SAMMSON: variants seen among roughly 807,000 people sequenced by gnomAD.
The protein encoded by SAMMSON is survival associated mitochondrial melanoma specific oncogenic non-coding RNA.
intron 4 of SAMMSON, among the ~76,000 whole-genome samples, chr3:70,182,740 A>G (rs921630669): frequency 6.6e-6 from 1 of 152,182 alleles, no homozygotes; most frequent in Non-Finnish European, 1.5e-5. Flanking sequence ...TTAGTGATGT[A>G]AATTTCTTGC....
chr3:70,106,588 C>T (rs2067368173), intron 4 of SAMMSON, among the ~76,000 whole-genome samples: 1 of 151,902 alleles, frequency 6.6e-6, no homozygotes, highest in Non-Finnish European at 1.5e-5. Context: ...TATCCTCCCA[C>T]CTCAGCCTCC....
chr3:70,108,343 A>G (rs571713937), intron 4 of SAMMSON, among the ~76,000 whole-genome samples: 12 of 150,920 alleles, frequency 8.0e-5, no homozygotes, highest in East Asian at 6.1e-4. Flanking sequence ...CGCAGGCAAT[A>G]TAAGTGCTAC....
intron 7 of SAMMSON, among the ~76,000 whole-genome samples, chr3:70,318,195 G>A (rs183783402): frequency 6.6e-6 from 1 of 151,978 alleles, no homozygotes; most frequent in Non-Finnish European, 1.5e-5. Context: ...CATTTTTTCA[G>A]ATATTGTTTT....
intron 9 of SAMMSON, among the ~76,000 whole-genome samples, chr3:70,386,394 C>G (rs1703123052): frequency 1.3e-5 from 2 of 151,876 alleles, no homozygotes; most frequent in Non-Finnish European, 2.9e-5. Context: ...CAGGTTATAT[C>G]TCATTTATGA....
chr3:70,251,093 C>G (rs1031450764), intron 6 of SAMMSON, among the ~76,000 whole-genome samples: 1 of 152,112 alleles, frequency 6.6e-6, no homozygotes, highest in Admixed American at 6.6e-5. Flanking sequence ...ACTCGTAATA[C>G]CCAGTGGAGC....
chr3:70,149,406 G>A (rs1265081294), intron 4 of SAMMSON, among the ~76,000 whole-genome samples: 1 of 152,054 alleles, frequency 6.6e-6, no homozygotes, highest in Non-Finnish European at 1.5e-5. Context: ...ATGTGTTTGA[G>A]CCTGTGGTTC....
rs1484916969 is a variant in SAMMSON at position 70,375,738 on chromosome 3, T to A, written n.914-13836T>A. ...CCTGTCTACTTTATTTTCTGCCCCT[T>A]ATTGCTCATAGATGGTATAATTTTT... On this transcript the variant is annotated intron_variant and non_coding_transcript_variant, in intron 9 of 9. Coordinates refer to ENST00000642114, the Ensembl canonical transcript of SAMMSON. Among the ~76,000 whole-genome samples the A allele has an allele frequency of 2.0e-5, 3 of 152,296 alleles. No homozygotes were observed. The East Asian group carries it at 5.8e-4, about 29-fold the overall frequency.
rs542148491 is a variant in SAMMSON at position 70,336,266 on chromosome 3, A to G, written n.740-17909A>G. On this transcript the variant is annotated intron_variant and non_coding_transcript_variant, in intron 7 of 9. Coordinates refer to ENST00000642114, the Ensembl canonical transcript of SAMMSON. ...TTAAGTTCTATGAAAGAGAACAAGTAAGCAGACCCCAGGTGTTTTGAGGCA... is the reference window on the plus strand; with the variant it reads ...TTAAGTTCTATGAAAGAGAACAAGTGAGCAGACCCCAGGTGTTTTGAGGCA... Among the ~76,000 whole-genome samples, 3 of 152,140 alleles carry G rather than the reference A, an allele frequency of 2.0e-5. No individual in the cohort carries two copies. In the South Asian group the frequency reaches 6.2e-4, roughly 31 times the overall value.
At chr3:70,259,444 C>T (rs937236499) in intron 6 of SAMMSON, among the ~76,000 whole-genome samples, 45 of 151,940 alleles carry the variant, frequency 3.0e-4, no homozygotes, top group African/African-American at 1.1e-3. Context: ...AAAGTAAGCA[C>T]CAAACCTCAC....
At chr3:70,293,939 A>T (rs1444740278) in intron 7 of SAMMSON, among the ~76,000 whole-genome samples, 1 of 152,062 alleles carries the variant, frequency 6.6e-6, no homozygotes, top group Non-Finnish European at 1.5e-5. Context: ...GAGCAAAGTT[A>T]TCTGATGACA....
chr3:70,033,007 C>T (rs1254978688), intron 3 of SAMMSON, among the ~76,000 whole-genome samples: 3 of 152,058 alleles, frequency 2.0e-5, no homozygotes, highest in Non-Finnish European at 4.4e-5. Context: ...TGCCTCTCAG[C>T]TTGTCTGTGG....
intron 6 of SAMMSON, among the ~76,000 whole-genome samples, chr3:70,252,242 T>C (rs1701776158): frequency 1.3e-5 from 2 of 152,204 alleles, no homozygotes; most frequent in Admixed American, 6.5e-5. Context: ...TTCAGTGGAA[T>C]TCTTATCCAA....
chr3:70,074,268 A>G (rs1248657211), intron 4 of SAMMSON, among the ~76,000 whole-genome samples: 3 of 152,080 alleles, frequency 2.0e-5, no homozygotes, highest in African/African-American at 7.2e-5. Context: ...CTAGAGCCAT[A>G]TTATTTACAA....
chr3:70,284,754 G>C (rs1405601282), intron 6 of SAMMSON, among the ~76,000 whole-genome samples: 1 of 152,122 alleles, frequency 6.6e-6, no homozygotes, highest in East Asian at 1.9e-4. Context: ...GGAGGGTGAA[G>C]GGTAGGAGGA....
At chr3:70,334,387 A>C (rs1001549422) in intron 7 of SAMMSON, among the ~76,000 whole-genome samples, 1 of 152,056 alleles carries the variant, frequency 6.6e-6, no homozygotes, top group African/African-American at 2.4e-5. Context: ...TGATATATAC[A>C]TGTAATATAT....
chr3:70,142,732 A>G (rs1431862163), intron 4 of SAMMSON, among the ~76,000 whole-genome samples: 1 of 152,184 alleles, frequency 6.6e-6, no homozygotes, highest in African/African-American at 2.4e-5. Flanking sequence ...TAATTTTGTC[A>G]GTCAAAAAAA....
intron 9 of SAMMSON, among the ~76,000 whole-genome samples, chr3:70,370,732 G>C (rs1437788791): frequency 6.6e-6 from 1 of 151,888 alleles, no homozygotes; most frequent in Non-Finnish European, 1.5e-5. Flanking sequence ...TTGTCAGATA[G>C]ATAGTTTGCA....
intron 3 of SAMMSON, among the ~76,000 whole-genome samples, chr3:70,045,099 ATATATTATAATTTATATATATTAAT>A (rs2067120831): frequency 2.4e-5 from 2 of 82,200 alleles, no homozygotes; most frequent in Non-Finnish European, 6.0e-5. Context: ...TAATTATAAT[ATATATTATAATTTATATATATTAAT>A]TATAATATAT....
intron 3 of SAMMSON, among the ~76,000 whole-genome samples, chr3:70,070,967 C>A (rs1012266836): frequency 1.6e-4 from 25 of 152,112 alleles, no homozygotes; most frequent in African/African-American, 5.5e-4. Context: ...AACATACCCT[C>A]TAGTCAATGT....
Sources: gnomAD v4.1 joint callset for allele counts (sites outside exome capture counted in the v4.1 genomes callset) on GRCh38, gnomAD v4.1.1 for gene constraint, MANE v1.5 for transcripts, NCBI Gene and HGNC (gene_info 2026-07-23, HGNC 2026-07-21) for gene names.